Variants in NRXN3 observed in about 807,000 individuals in gnomAD.
NRXN3 encodes neurexin 3.
A neutral mutation model predicts 137.6 loss-of-function variants in NRXN3; 32 were observed. The ratio of observed to expected loss-of-function variants is 0.23; its 90% CI spans 0.18 to 0.31. The LOEUF (loss-of-function observed/expected upper bound fraction) is 0.31, where lower values mean the gene tolerates loss of function less well. NRXN3 is among the 10% of genes least tolerant of loss of function. NRXN3 has a pLI of 1.00. For missense variants in NRXN3, 1,574 were observed against 2,062.5 expected (o/e 0.76, Z 4.59); for synonymous variants, 798 against 784.5 (o/e 1.02, Z -0.29).
At chr14:79,461,801 G>C (rs1490358388) in intron 15 of NRXN3, among the ~76,000 whole-genome samples, 1 of 152,060 alleles carries the variant, frequency 6.6e-6, no homozygotes, top group Non-Finnish European at 1.5e-5. Flanking sequence ...AAAAAAACAC[G>C]AATGTGGATA....
At chr14:79,224,362 G>A (rs930981280) in intron 15 of NRXN3, among the ~76,000 whole-genome samples, 1 of 152,144 alleles carries the variant, frequency 6.6e-6, no homozygotes, top group Non-Finnish European at 1.5e-5. Context: ...GATGAGGTAA[G>A]TGTGAATCAC....
At chr14:79,482,929 A>G (rs2096622576) in intron 16 of NRXN3, among the ~76,000 whole-genome samples, 1 of 152,214 alleles carries the variant, frequency 6.6e-6, no homozygotes, top group Admixed American at 6.6e-5. Context: ...ACTGAATGCT[A>G]GAAGAAACAG....
chr14:79,039,519 T>G (rs1168327762), intron 15 of NRXN3, among the ~76,000 whole-genome samples: 1 of 152,130 alleles, frequency 6.6e-6, no homozygotes, highest in Non-Finnish European at 1.5e-5. Context: ...TATGCATGCC[T>G]CTGAAACACA....
intron 15 of NRXN3, among the ~76,000 whole-genome samples, chr14:79,065,513 G>A (rs188217678): frequency 6.6e-6 from 1 of 152,228 alleles, no homozygotes; most frequent in Non-Finnish European, 1.5e-5. Flanking sequence ...TATAAGTGAA[G>A]GTGAAGTGTA....
At chr14:78,335,507 A>C (rs918486456) in intron 4 of NRXN3, among the ~76,000 whole-genome samples, 1 of 152,230 alleles carries the variant, frequency 6.6e-6, no homozygotes, top group African/African-American at 2.4e-5. Context: ...GTGTTTAGTA[A>C]TGACTGATTG....
chr14:79,410,124 A>G (rs2153513258), intron 15 of NRXN3, among the ~76,000 whole-genome samples: 1 of 152,008 alleles, frequency 6.6e-6, no homozygotes, highest in African/African-American at 2.4e-5. Flanking sequence ...GAAAAAATAC[A>G]TTCAATATAA....
rs1453164317 is a variant in NRXN3 at position 78,385,650 on chromosome 14, A to G, written c.757+87790A>G. Among the ~76,000 whole-genome samples, 3 of 152,240 alleles carry G rather than the reference A, an allele frequency of 2.0e-5. 1 individual carries two copies. The highest frequency in any genetic ancestry group is 4.8e-5 in the African/African-American group (2 of 41,470). ...TGGCAGTTCTACTGGTCACCCATACAGGAAAGGATTCACTATTTTGGATGA... is the reference window on the plus strand; with the variant it reads ...TGGCAGTTCTACTGGTCACCCATACGGGAAAGGATTCACTATTTTGGATGA... On this transcript the variant is annotated intron_variant, in intron 4 of 20. Transcript: ENST00000335750.
intron 16 of NRXN3, among the ~76,000 whole-genome samples, chr14:79,660,598 T>G (rs1266965643): frequency 6.6e-6 from 1 of 152,132 alleles, no homozygotes; most frequent in African/African-American, 2.4e-5. Context: ...CAAGAATATA[T>G]CTTGCTGATC....
chr14:79,353,785 A>G (rs774712557), intron 15 of NRXN3, among the ~76,000 whole-genome samples: 3 of 152,056 alleles, frequency 2.0e-5, no homozygotes, highest in Admixed American at 6.5e-5. Flanking sequence ...ATTTTTTCCT[A>G]TGGTCCGGCG....
intron 8 of NRXN3, among the ~76,000 whole-genome samples, chr14:78,720,675 C>G (rs913546463): frequency 6.6e-6 from 1 of 152,190 alleles, no homozygotes; most frequent in African/African-American, 2.4e-5. Flanking sequence ...TAGATCAAAC[C>G]ATACTTATCA....
At chr14:79,158,166 C>G (rs2060427927) in intron 15 of NRXN3, among the ~76,000 whole-genome samples, 1 of 151,796 alleles carries the variant, frequency 6.6e-6, no homozygotes, top group African/African-American at 2.4e-5. Flanking sequence ...TGACTTCCCC[C>G]TGTGTATACT....
In NRXN3 at chr14:79,467,230, C is replaced by T. The variant is rs774168725; in HGVS notation, c.3272C>T (p.Thr1091Met). 5 of 1,600,422 alleles carry T rather than the reference C, an allele frequency of 3.1e-6. No individual in the cohort carries two copies. Among genetic ancestry groups the T allele is most frequent in the Non-Finnish European group, 4.3e-6 (5 of 1,168,944 alleles). ...CTCCTTGCTTTTGCAGCTGGCGCTA[C>T]GTACATCTTTGGGAAAAGTGGTGGG... Reference protein sequence around the residue: ...SGNQCNDPGATYIFGKSGGLI... With the variant: ...SGNQCNDPGAMYIFGKSGGLI... The change falls in exon 16 of 21, where the codon ACG (threonine) becomes ATG (methionine). Residue 1091 changes from threonine (T) to methionine (M), a missense_variant. Transcript: ENST00000335750.
chr14:78,811,560 A>C (rs372642927), intron 10 of NRXN3, among the ~76,000 whole-genome samples: 1 of 152,238 alleles, frequency 6.6e-6, no homozygotes, highest in Non-Finnish European at 1.5e-5. Context: ...TATCTAGCAC[A>C]TGTAATTCTC....
rs540554208 is a variant in NRXN3 at position 78,598,768 on chromosome 14, G to T, written c.758-46352G>T. ...GTAATTGGCTAAGGTTTGCAGAGGA[G>T]CAAGGCAGTCTGGGGTATGTGCCAT... is the stretch of plus-strand genomic sequence containing the variant. On this transcript the variant is annotated intron_variant, in intron 4 of 20. Transcript: ENST00000335750. 8.7e-4 allele frequency among the ~76,000 whole-genome samples: 133 copies of T among 152,340 alleles called. 1 individual carries two copies. Among genetic ancestry groups the T allele is most frequent in the Middle Eastern group, 6.8e-3 (2 of 294 alleles).
chr14:79,517,364 A>G (rs2097002449), intron 16 of NRXN3, among the ~76,000 whole-genome samples: 1 of 152,158 alleles, frequency 6.6e-6, no homozygotes, highest in African/African-American at 2.4e-5. Flanking sequence ...TAGAGAGACT[A>G]ATCTCCATGA....
intron 6 of NRXN3, among the ~76,000 whole-genome samples, chr14:78,666,136 A>G (rs2097884623): frequency 6.6e-6 from 1 of 151,808 alleles, no homozygotes; most frequent in African/African-American, 2.4e-5. Context: ...CCCAAAATCT[A>G]CTCCCTTAAC....
intron 15 of NRXN3, among the ~76,000 whole-genome samples, chr14:79,097,778 C>T (rs2050610426): frequency 6.6e-6 from 1 of 152,190 alleles, no homozygotes; most frequent in African/African-American, 2.4e-5. Context: ...TATTCCCCTG[C>T]AACTCAGTGC....
intron 19 of NRXN3, among the ~76,000 whole-genome samples, chr14:79,766,497 G>GA (rs1399431439): frequency 2.0e-5 from 3 of 152,214 alleles, no homozygotes; most frequent in Non-Finnish European, 4.4e-5. Context: ...CACATAAAGA[G>GA]AAATCACATT....
At chr14:79,320,669 G>T (rs1020631338) in intron 15 of NRXN3, among the ~76,000 whole-genome samples, 1 of 152,114 alleles carries the variant, frequency 6.6e-6, no homozygotes, top group African/African-American at 2.4e-5. Flanking sequence ...AAAAGAAAAA[G>T]GGTATCTGTG....
Sources: gnomAD v4.1 joint callset for allele counts (sites outside exome capture counted in the v4.1 genomes callset) on GRCh38, gnomAD v4.1.1 for gene constraint, MANE v1.5 for transcripts, NCBI Gene and HGNC (gene_info 2026-07-23, HGNC 2026-07-21) for gene names.